The following CYP2D6 variants were observed in gnomAD, a reference collection of about 807,000 sequenced individuals.
The protein encoded by CYP2D6 is cytochrome P450 2D6.
A neutral mutation model predicts 43.5 loss-of-function variants in CYP2D6; 51 were observed. The observed-to-expected ratio is 1.17, with a 90% CI of 0.94 to 1.48. The LOEUF is 1.48. Among genes scored for constraint, CYP2D6 ranks in the 40% most tolerant of loss-of-function variants. The probability of loss-of-function intolerance (pLI) is 0.00; values close to 1 mark genes in which losing one functional copy is unlikely to be tolerated. For missense variants in CYP2D6, 698 were observed against 688.0 expected, an observed-to-expected ratio of 1.01 and a Z score of -0.16; for synonymous variants, 346 against 297.1, an observed-to-expected ratio of 1.16 and a Z score of -1.69.
In CYP2D6 at chr22:42,128,768, G is replaced by A. The variant is rs773942537; in HGVS notation, c.666+16C>T. 1.9e-6 allele frequency: 3 copies of A among 1,576,184 alleles called. No individual in the cohort carries two copies. The highest frequency in any genetic ancestry group is 2.6e-6 in the Non-Finnish European group (3 of 1,156,238). ...GAGCTCGCCCTGCAGAGACTCCTCG[G>A]TCTCTCGCTCCGCACCTCGCGCAGA... is the stretch of plus-strand genomic sequence containing the variant. On this transcript the variant is annotated intron_variant, in intron 4 of 8. Transcript: ENST00000645361.
chr22:42,128,796 G>A lies in CYP2D6; in HGVS notation c.654C>T (p.Gly218=). ...LAQEGLKEES[G]FLREVLNAVP... ...TCTCGCTCCGCACCTCGCGCAGAAAGCCCGACTCCTCCTTCAGTCCCTCCT... is the reference window on the plus strand; with the variant it reads ...TCTCGCTCCGCACCTCGCGCAGAAAACCCGACTCCTCCTTCAGTCCCTCCT... The change falls in exon 4 of 9, where the codon GGC becomes GGT. Residue 218 remains glycine (G), a synonymous_variant. Transcript: ENST00000645361. The A allele has an allele frequency of 6.2e-7, 1 of 1,606,954 alleles. No individual in the cohort carries two copies. Among genetic ancestry groups the A allele is most frequent in the Middle Eastern group, 1.7e-4 (1 of 6,012 alleles).
chr22:42,128,698 A>C, intron 4 of CYP2D6, 86 bp downstream of exon 4: 8 of 1,480,906 alleles, frequency 5.4e-6, no homozygotes, highest in Non-Finnish European at 7.4e-6. Context: ...CATCTATGCA[A>C]ATCCTGCTCT....
rs1401875512 is a variant in CYP2D6, at chr22:42,130,606, C to G, written c.180+6G>C. The G allele has an allele frequency of 6.9e-6, 11 of 1,592,302 alleles. No individual in the cohort carries two copies. The highest frequency in any genetic ancestry group is 8.6e-6 in the Non-Finnish European group (10 of 1,168,718). On this transcript the variant is annotated splice_donor_region_variant and intron_variant, in intron 1 of 8. Transcript: ENST00000645361. The stretch of plus-strand genomic sequence containing the variant: ...CTCTGCCGCCCTCCAGGACCTCCTC[C>G]CTCACCTGGTCGAAGCAGTATGGTG...
In CYP2D6 at chr22:42,129,448, A is replaced by G. The variant is rs1252135679; in HGVS notation, c.353-263T>C. 5.4e-6 allele frequency: 4 copies of G among 738,666 alleles called. No homozygotes were observed. In the African/African-American group the frequency reaches 7.0e-5, roughly 13 times the overall value. 45.8% of individuals were successfully genotyped at this position (738,666 alleles called of 1,614,324 possible). A position where few individuals can be genotyped will look rare whatever the true frequency, so the allele number is the denominator to read the frequency against. On this transcript the variant is annotated intron_variant, in intron 2 of 8. Transcript: ENST00000645361. ...GCCACCCACACTGAGCTTACAGCACAGGTGCGGTCCCCGCCCCCCACTTCG... is the reference window on the plus strand; with the variant it reads ...GCCACCCACACTGAGCTTACAGCACGGGTGCGGTCCCCGCCCCCCACTTCG...
Position 42,126,631 on chromosome 22 carries a change from A to T in CYP2D6, c.1437T>A (p.Gly479=), listed in dbSNP as rs769885143. The stretch of plus-strand genomic sequence containing the variant: ...ATGGGCTCACCAGGAAAGCAAAGAC[A>T]CCATGGTGGCTGGGCCGGGGCTGTC... ...PTGQPRPSHH[G]VFAFLVSPSP... Residue 479 remains glycine, a synonymous_variant, in exon 9 of 9, where the codon GGT becomes GGA. Transcript: ENST00000645361. 4 of 1,609,224 alleles carry T rather than the reference A, an allele frequency of 2.5e-6. No individual in the cohort carries two copies. Among genetic ancestry groups the T allele is most frequent in the African/African-American group, 1.4e-5 (1 of 73,980 alleles).
In CYP2D6 at chr22:42,130,763, G is replaced by C. The variant is rs1447119000; in HGVS notation, c.29C>G (p.Ala10Gly). The C allele has an allele frequency of 2.5e-6, 4 of 1,585,642 alleles. No homozygotes were observed. Among genetic ancestry groups the C allele is most frequent in the African/African-American group, 1.4e-5 (1 of 73,630 alleles). Residue 10 changes from alanine (A) to glycine (G), a missense_variant, in exon 1 of 9, where the codon GCC (alanine) becomes GGC (glycine). Around this residue, in one of 5 missense-constraint regions of CYP2D6, gnomAD observed 588 missense variants for 521.1 expected, o/e 1.13. Coordinates refer to ENST00000645361, the MANE Select transcript of CYP2D6 (RefSeq NM_000106.6). ...GAGCAGGAAGATGGCCACTATCACG[G>C]CCAGGGGCACCAGTGCTTCTAGCCC... Reference protein sequence around the residue: MGLEALVPLAVIVAIFLLLV... With the variant: MGLEALVPLGVIVAIFLLLV...
At position 42,130,308 on chromosome 22, in the gene CYP2D6, G is replaced by A. The variant is rs955751719; in HGVS notation, c.180+304C>T. The A allele has an allele frequency of 7.4e-6, 4 of 537,368 alleles. No individual in the cohort carries two copies. In the African/African-American group the frequency reaches 9.6e-5, roughly 13 times the overall value. The allele number at this position is 537,368 out of a possible 1,614,324, so 33.3% of individuals were successfully genotyped here. A position where few individuals can be genotyped will look rare whatever the true frequency, so the allele number is the denominator to read the frequency against. On this transcript the variant is annotated intron_variant, in intron 1 of 8. Coordinates refer to ENST00000645361, the MANE Select transcript of CYP2D6 (RefSeq NM_000106.6). ...GGACTAACTCATCTTCCATTCCCAAGGCCTTTCCTTCTGGTGTCAGCAGAA... is the reference window on the plus strand; with the variant it reads ...GGACTAACTCATCTTCCATTCCCAAAGCCTTTCCTTCTGGTGTCAGCAGAA...
chr22:42,128,466 C>G, intron 4 of CYP2D6, 116 bp from the exon 5 acceptor site: 1 of 1,222,012 alleles, frequency 8.2e-7, no homozygotes, highest in Admixed American at 1.9e-5. Flanking sequence ...TACCACTGAC[C>G]TCACCAAGTC....
intron 7 of CYP2D6, 111 bp downstream of exon 7, chr22:42,127,336 T>C: frequency 3.2e-6 from 4 of 1,232,200 alleles, no homozygotes; most frequent in Admixed American, 2.0e-5. Context: ...TGTGGTGGCA[T>C]TGAGGACTAG....
chr22:42,128,813 G>C lies in CYP2D6; in HGVS notation c.637C>G (p.Leu213Val). 6.3e-7 allele frequency: 1 copy of C among 1,583,564 alleles called. No individual in the cohort carries two copies. The highest frequency in any genetic ancestry group is 8.6e-7 in the Non-Finnish European group (1 of 1,158,216). Residue 213 changes from leucine (L) to valine (V), a missense_variant, in exon 4 of 9, where the codon CTG becomes GTG. Leu to Val is a conservative substitution (Grantham distance 32). Transcript: ENST00000645361. ...LRLLDLAQEGLKEESGFLREV... is the reference protein window; with the variant it reads ...LRLLDLAQEGVKEESGFLREV... ...CGCAGAAAGCCCGACTCCTCCTTCAGTCCCTCCTGAGCTAGGTCCAGCAGC... is the reference window on the plus strand; with the variant it reads ...CGCAGAAAGCCCGACTCCTCCTTCACTCCCTCCTGAGCTAGGTCCAGCAGC...
At chr22:42,129,524 C>T in intron 2 of CYP2D6, 1 of 756,200 alleles carries the variant, frequency 1.3e-6, no homozygotes, top group Admixed American at 2.2e-5. Flanking sequence ...TGGGCTCCTG[C>T]CAGGTCTCGG....
At chr22:42,127,395 G>A (rs1931095191) in intron 7 of CYP2D6, 52 bp downstream of exon 7, 8 of 1,403,668 alleles carry the variant, frequency 5.7e-6, no homozygotes, top group Non-Finnish European at 7.0e-6. Flanking sequence ...CCATGCTGGG[G>A]CTATCACCAG....
Position 42,129,073 on chromosome 22 carries a change from C to T in CYP2D6, c.465G>A (p.Glu155=), listed in dbSNP as rs1347165870. The T allele has an allele frequency of 1.3e-5, 21 of 1,609,182 alleles. 1 individual carries two copies. Among genetic ancestry groups the T allele is most frequent in the Non-Finnish European group, 1.7e-5 (20 of 1,177,478 alleles). The change falls in exon 3 of 9, where the codon GAG becomes GAA. Residue 155 remains glutamate, a synonymous_variant. Transcript: ENST00000645361. ...AGGCGGCACAAAGGCAGGCGGCCTCCTCGGTCACCCACTGCTCCAGCGACT... is the reference window on the plus strand; with the variant it reads ...AGGCGGCACAAAGGCAGGCGGCCTCTTCGGTCACCCACTGCTCCAGCGACT... ...GKKSLEQWVT[E]EAACLCAAFA...
intron 7 of CYP2D6, among the ~76,000 whole-genome samples, 159 bp from the exon 8 acceptor site, chr22:42,127,151 A>G (rs1931052273): frequency 6.6e-6 from 1 of 150,728 alleles, no homozygotes; most frequent in African/African-American, 2.5e-5. Flanking sequence ...CCGACCCCAC[A>G]GCAGGGCGCA....
Position 42,129,816 on chromosome 22 carries a change from C to T in CYP2D6, c.274G>A (p.Val92Met), listed in dbSNP as rs1445528488. The T allele has an allele frequency of 6.2e-7, 1 of 1,603,802 alleles. No individual in the cohort carries two copies. Among genetic ancestry groups the T allele is most frequent in the South Asian group, 1.1e-5 (1 of 90,710 alleles). The change falls in exon 2 of 9, where the codon GTG becomes ATG. Residue 92 changes from valine to methionine, a missense_variant. Val to Met is a conservative substitution (Grantham distance 21). This residue lies in a region of CYP2D6 where 588 missense variants were observed against 521.1 expected (regional missense o/e 1.13). Transcript: ENST00000645361. ...TCGGCGGTGTCCTCGCCGTGGGTCA[C>T]CAGCGCCTCGCGCACGGCCGCCAGC... ...NGLAAVREAL[V>M]THGEDTADRP...
In CYP2D6 at chr22:42,129,628, G is replaced by T. The variant is rs1176192148; in HGVS notation, c.352+110C>A. On this transcript the variant is annotated intron_variant, in intron 2 of 8. Coordinates refer to ENST00000645361, the MANE Select transcript of CYP2D6 (RefSeq NM_000106.6). ...GTTTCTTGGCCCGCTGTCCCCACTC[G>T]CTGGCCTGTTTCATGTCCACGACCC... 2 of 1,436,670 alleles carry T rather than the reference G, an allele frequency of 1.4e-6. 1 individual carries two copies. The highest frequency in any genetic ancestry group is 1.9e-6 in the Non-Finnish European group (2 of 1,038,132). The allele number at this position is 1,436,670 out of a possible 1,614,324, so 89.0% of individuals were successfully genotyped here.
intron 7 of CYP2D6, 93 bp downstream of exon 7, chr22:42,127,354 G>A (rs1931087053): frequency 4.6e-6 from 6 of 1,300,018 alleles, no homozygotes; most frequent in Non-Finnish European, 4.4e-6. Context: ...TAGGTGGCCA[G>A]GGTTCCTAGA....
chr22:42,130,545 C>A, intron 1 of CYP2D6, 67 bp downstream of exon 1: 1 of 1,298,820 alleles, frequency 7.7e-7, no homozygotes, highest in Non-Finnish European at 1.1e-6. Context: ...TTTCACCCAC[C>A]ATCCATGTTT....
At position 42,127,929 on chromosome 22, in the gene CYP2D6, C is replaced by T. The variant is rs2146933071; in HGVS notation, c.898G>A (p.Ala300Thr). The T allele has an allele frequency of 6.2e-7, 1 of 1,611,302 alleles. No homozygotes were observed. The highest frequency in any genetic ancestry group is 8.5e-7 in the Non-Finnish European group (1 of 1,178,242). The part of the protein sequence containing the change: ...FNDENLRIVV[A>T]DLFSAGMVTT... ...ACCATCCCGGCAGAGAACAGGTCAGCCACCACTATGCGCAGGTTCTCATCA... is the reference window on the plus strand; with the variant it reads ...ACCATCCCGGCAGAGAACAGGTCAGTCACCACTATGCGCAGGTTCTCATCA... Residue 300 changes from alanine (A) to threonine (T), a missense_variant, in exon 6 of 9, where the codon GCT becomes ACT. Coordinates refer to ENST00000645361, the MANE Select transcript of CYP2D6 (RefSeq NM_000106.6).
Sources: gnomAD v4.1 joint callset for allele counts (sites outside exome capture counted in the v4.1 genomes callset) on GRCh38, gnomAD v4.1.1 for gene constraint, gnomAD v4.1.1 regional missense constraint, MANE v1.5 for transcripts, NCBI Gene and HGNC (gene_info 2026-07-23, HGNC 2026-07-21) for gene names.